ENOX2: variants seen among roughly 807,000 people sequenced by gnomAD.
ENOX2 encodes the protein APK1 antigen.
Under a neutral mutation model 45.0 loss-of-function variants are expected in ENOX2, and 36 were observed. The observed-to-expected ratio is 0.80, with a 90% CI of 0.61 to 1.06. The LOEUF (loss-of-function observed/expected upper bound fraction) is 1.06, where lower values mean the gene tolerates loss of function less well. Ranked by LOEUF, ENOX2 falls within the 50% of genes least tolerant of loss-of-function variation. The pLI is 0.00. For synonymous variants in ENOX2, 174 were observed against 152.3 expected (o/e 1.14, Z -1.05); for missense variants, 423 against 462.5 (o/e 0.91, Z 0.78).
At chrX:130,859,767 G>A (rs1394633902) in intron 2 of ENOX2, among the ~76,000 whole-genome samples, 1 of 111,843 alleles carries the variant, frequency 8.9e-6, no homozygotes, top group Non-Finnish European at 1.9e-5. Context: ...AGACACCATT[G>A]CAGTTTAGAC....
chrX:130,797,102 G>A (rs138865488), intron 2 of ENOX2, among the ~76,000 whole-genome samples: 1 of 111,797 alleles, frequency 8.9e-6, no homozygotes, highest in Admixed American at 9.5e-5. Context: ...AAACAGCACT[G>A]TATGAGAGTT....
chrX:130,759,577 C>CAAAA (rs753411112), intron 3 of ENOX2, among the ~76,000 whole-genome samples: 1 of 19,947 alleles, frequency 5.0e-5, no homozygotes, highest in Admixed American at 5.4e-4. Context: ...GACTATGTAC[C>CAAAA]AAAAAAAAAA....
At chrX:130,785,644 T>A (rs973628908) in intron 2 of ENOX2, among the ~76,000 whole-genome samples, 3 of 112,264 alleles carry the variant, frequency 2.7e-5, no homozygotes, top group Non-Finnish European at 3.8e-5. Flanking sequence ...AAAATTGAGA[T>A]CATGACCAAG....
intron 4 of ENOX2, among the ~76,000 whole-genome samples, chrX:130,694,425 A>G (rs1440796659): frequency 9.0e-6 from 1 of 111,024 alleles, no homozygotes; most frequent in Non-Finnish European, 1.9e-5. Flanking sequence ...TTCAGTTGGA[A>G]CAATGTCAGA....
chrX:130,797,197 G>A (rs921269584), intron 2 of ENOX2, among the ~76,000 whole-genome samples: 1 of 111,803 alleles, frequency 8.9e-6, no homozygotes, highest in Non-Finnish European at 1.9e-5. Flanking sequence ...GCACTCCAGA[G>A]GCAGGAAAAG....
chrX:130,832,191 A>G lies in ENOX2; in HGVS notation c.-182-48501T>C, dbSNP rs187326162. Among the ~76,000 whole-genome samples the G allele has an allele frequency of 7.3e-4, 81 of 110,949 alleles. 2 individuals are homozygous for G. The highest frequency in any genetic ancestry group is 2.5e-3 in the African/African-American group (77 of 30,532). ...ACTATACATGCTTGGACAGAAAGAG[A>G]GACACATTTTACTTGGTTATTTTTT... On this transcript the variant is annotated intron_variant, in intron 2 of 14. Coordinates refer to ENST00000394363, the MANE Select transcript of ENOX2 (RefSeq NM_006375.4).
intron 2 of ENOX2, among the ~76,000 whole-genome samples, chrX:130,820,996 T>C (rs1406887117): frequency 8.9e-6 from 1 of 112,745 alleles, no homozygotes; most frequent in African/African-American, 3.2e-5. Flanking sequence ...ATGTAACACA[T>C]ATGTTAATTA....
intron 2 of ENOX2, among the ~76,000 whole-genome samples, chrX:130,854,391 A>C (rs1460365141): frequency 8.9e-6 from 1 of 112,090 alleles, no homozygotes; most frequent in East Asian, 2.8e-4. Context: ...AAAAATAGTA[A>C]ACAGAGCCTC....
At chrX:130,695,976 A>C (rs2037747924) in intron 4 of ENOX2, among the ~76,000 whole-genome samples, 1 of 111,540 alleles carries the variant, frequency 9.0e-6, no homozygotes, top group Non-Finnish European at 1.9e-5. Context: ...TGGAGGCACA[A>C]GTTCCCAAAT....
At chrX:130,868,109 T>C (rs2078518259) in intron 2 of ENOX2, among the ~76,000 whole-genome samples, 1 of 111,517 alleles carries the variant, frequency 9.0e-6, no homozygotes, top group South Asian at 3.7e-4. Flanking sequence ...AAGAATACAA[T>C]TACTTGGAAG....
chrX:130,676,385 T>C (rs984546702), intron 6 of ENOX2, among the ~76,000 whole-genome samples: 2 of 111,496 alleles, frequency 1.8e-5, no homozygotes, highest in African/African-American at 6.5e-5. Flanking sequence ...ATTCAGGAGA[T>C]TGCTAGCACT....
At chrX:130,854,309 G>A (rs1490965661) in intron 2 of ENOX2, among the ~76,000 whole-genome samples, 1 of 111,652 alleles carries the variant, frequency 9.0e-6, no homozygotes, top group Non-Finnish European at 1.9e-5. Flanking sequence ...GATGACAGAG[G>A]AAAGAATCAG....
intron 2 of ENOX2, among the ~76,000 whole-genome samples, chrX:130,886,267 T>C (rs752917597): frequency 6.2e-5 from 7 of 112,794 alleles, no homozygotes; most frequent in Admixed American, 4.7e-4. Flanking sequence ...AAATAGAACA[T>C]GATCTTTTAG....
intron 6 of ENOX2, among the ~76,000 whole-genome samples, chrX:130,671,618 G>A (rs1386519837): frequency 8.9e-6 from 1 of 111,784 alleles, no homozygotes; most frequent in Non-Finnish European, 1.9e-5. Context: ...TATATGTGTG[G>A]GAAACTACCT....
chrX:130,831,687 C>T (rs1603363528), intron 2 of ENOX2, among the ~76,000 whole-genome samples: 1 of 111,980 alleles, frequency 8.9e-6, no homozygotes, highest in East Asian at 2.8e-4. Flanking sequence ...CATATTTTTA[C>T]TCATCCATAG....
intron 13 of ENOX2, among the ~76,000 whole-genome samples, chrX:130,629,862 C>A: frequency 8.9e-6 from 1 of 111,767 alleles, no homozygotes; most frequent in African/African-American, 3.3e-5. Flanking sequence ...CCTCAATCTG[C>A]CACTGTTCTC....
At chrX:130,664,357 G>A (rs891021773) in intron 9 of ENOX2, among the ~76,000 whole-genome samples, 6 of 112,309 alleles carry the variant, frequency 5.3e-5, no homozygotes, top group Non-Finnish European at 9.4e-5. Flanking sequence ...TAACTAGCTC[G>A]AGACCACAAA....
chrX:130,892,513 T>A (rs1446558203), intron 2 of ENOX2, among the ~76,000 whole-genome samples: 4 of 112,602 alleles, frequency 3.6e-5, no homozygotes, highest in Admixed American at 1.9e-4. Flanking sequence ...TATTCACCTG[T>A]GGCCCTCTTC....
intron 2 of ENOX2, among the ~76,000 whole-genome samples, chrX:130,853,165 G>GA (rs1283968736): frequency 4.6e-4 from 49 of 106,782 alleles, no homozygotes; most frequent in Admixed American, 3.4e-3. Context: ...TGGGCAGAGG[G>GA]AAAAAAAAAG....
Sources: gnomAD v4.1 joint callset for allele counts (sites outside exome capture counted in the v4.1 genomes callset) on GRCh38, gnomAD v4.1.1 for gene constraint, MANE v1.5 for transcripts, NCBI Gene and HGNC (gene_info 2026-07-23, HGNC 2026-07-21) for gene names.